Variants in ZNF568 observed in about 807,000 individuals in gnomAD.
The protein encoded by ZNF568 is p53 inhibitor of SCO2 activation.
A neutral mutation model predicts 18.1 loss-of-function variants in ZNF568; 11 were observed. That is an observed-to-expected ratio of 0.61 (90% confidence interval 0.38 to 1.00). ZNF568 has a LOEUF of 1.00. Among genes scored for constraint, ZNF568 ranks in the 50% least tolerant of loss-of-function variants. The pLI is 0.01. For synonymous variants in ZNF568, 213 were observed against 246.6 expected, an observed-to-expected ratio of 0.86 and a Z score of 1.28; for missense variants, 639 against 768.2, an observed-to-expected ratio of 0.83 and a Z score of 1.99.
At chr19:36,944,677 C>G (rs2073934004) in intron 6 of ZNF568, among the ~76,000 whole-genome samples, 1 of 152,102 alleles carries the variant, frequency 6.6e-6, no homozygotes, top group Admixed American at 6.6e-5. Context: ...CCCTCTTTCT[C>G]CCCATCATCT....
At chr19:36,975,413 G>A (rs973009427) in intron 7 of ZNF568, among the ~76,000 whole-genome samples, 8 of 150,938 alleles carry the variant, frequency 5.3e-5, no homozygotes, top group Non-Finnish European at 8.9e-5. Context: ...TCCCAATGGA[G>A]CCTTGCTCTG....
At chr19:36,948,080 C>A (rs1415756659) in intron 6 of ZNF568, among the ~76,000 whole-genome samples, 1 of 152,130 alleles carries the variant, frequency 6.6e-6, no homozygotes, top group Non-Finnish European at 1.5e-5. Flanking sequence ...GACTCAGATC[C>A]ATTATAGTAT....
chr19:36,984,396 A>G (rs977754551), downstream of ZNF568, among the ~76,000 whole-genome samples: 1 of 152,180 alleles, frequency 6.6e-6, no homozygotes, highest in African/African-American at 2.4e-5. Flanking sequence ...ATTTCAATAT[A>G]CTTTCTTAAC....
chr19:36,942,248 G>A (rs997968386), intron 6 of ZNF568, among the ~76,000 whole-genome samples: 5 of 151,676 alleles, frequency 3.3e-5, no homozygotes, highest in Admixed American at 1.3e-4. Flanking sequence ...GATTACAGGC[G>A]TGCACCACCG....
chr19:36,950,240 G>A lies in ZNF568; in HGVS notation c.1087G>A (p.Ala363Thr), dbSNP rs766675905. Reference protein sequence around the residue: ...EKIHTGEKPYACNECGRAFSR... With the variant: ...EKIHTGEKPYTCNECGRAFSR... ...AATTCATACTGGGGAGAAACCTTAT[G>A]CATGTAATGAATGTGGTAGAGCTTT... Residue 363 changes from alanine to threonine, a missense_variant, in exon 7 of 7, where the codon GCA becomes ACA. Physicochemically the swap from Ala to Thr is moderately conservative, Grantham distance 58 (BLOSUM62 0). Transcript: ENST00000333987. The A allele has an allele frequency of 6.2e-7, 1 of 1,613,882 alleles. No individual in the cohort carries two copies. The highest frequency in any genetic ancestry group is 8.5e-7 in the Non-Finnish European group (1 of 1,179,890).
At chr19:36,927,895 ATATATATATTTTTTTTTTTTTTTTT>A (rs1568381568) in intron 4 of ZNF568, among the ~76,000 whole-genome samples, 4 of 25,762 alleles carry the variant, frequency 1.6e-4, no homozygotes, top group African/African-American at 7.1e-4. Flanking sequence ...TATTATATAT[ATATATATATTTTTTTTTTTTTTTTT>A]TTTTTTTTTT....
At chr19:36,963,866 C>G (rs1023241534) in intron 6 of ZNF568, among the ~76,000 whole-genome samples, 1 of 151,910 alleles carries the variant, frequency 6.6e-6, no homozygotes, top group African/African-American at 2.4e-5. Flanking sequence ...ACTCAGAAGG[C>G]TGAGGCAGAA....
At chr19:36,959,103 T>A (rs1291839955) in intron 6 of ZNF568, among the ~76,000 whole-genome samples, 1 of 152,194 alleles carries the variant, frequency 6.6e-6, no homozygotes, top group Non-Finnish European at 1.5e-5. Flanking sequence ...CAATTCTTAG[T>A]GGAAATGCTT....
chr19:36,997,059 T>C, exon 5 of ZNF568: 1 of 1,567,334 alleles, frequency 6.4e-7, no homozygotes, highest in Non-Finnish European at 8.6e-7. Flanking sequence ...GTAAGGAATG[T>C]GGAAAGGCTT....
chr19:36,958,635 T>TTC, intron 6 of ZNF568, among the ~76,000 whole-genome samples: 1 of 145,336 alleles, frequency 6.9e-6, no homozygotes, highest in African/African-American at 2.5e-5. Context: ...TTTTTTTTTT[T>TTC]TTTGAGACAG....
At chr19:36,945,788 T>C (rs114003250) in intron 6 of ZNF568, among the ~76,000 whole-genome samples, 390 of 151,672 alleles carry the variant, frequency 2.6e-3, no homozygotes, top group African/African-American at 8.7e-3. Context: ...TTTTTTTAAA[T>C]AGTGGAAGAA....
chr19:36,983,579 T>C (rs1458430649), downstream of ZNF568, among the ~76,000 whole-genome samples: 3 of 152,194 alleles, frequency 2.0e-5, no homozygotes, highest in Non-Finnish European at 4.4e-5. Context: ...CATTGTTCTA[T>C]ATGCAGCCAT....
chr19:36,964,328 C>G (rs1431110767), intron 6 of ZNF568, among the ~76,000 whole-genome samples: 1 of 151,926 alleles, frequency 6.6e-6, no homozygotes, highest in Admixed American at 6.6e-5. Flanking sequence ...GCTTCTGAAC[C>G]TTTGTGAAAT....
chr19:36,938,256 T>C (rs919220754), intron 6 of ZNF568, among the ~76,000 whole-genome samples: 3 of 152,200 alleles, frequency 2.0e-5, no homozygotes, highest in Non-Finnish European at 4.4e-5. Flanking sequence ...TACATTTCAC[T>C]ATAATAATGG....
At chr19:36,947,079 G>T (rs948868486) in intron 6 of ZNF568, among the ~76,000 whole-genome samples, 1 of 149,652 alleles carries the variant, frequency 6.7e-6, no homozygotes, top group Non-Finnish European at 1.5e-5. Flanking sequence ...GCAGCGGCAC[G>T]ATCTCGGCTC....
At chr19:36,991,775 T>C (rs766373087) in exon 4 of ZNF568, 3 of 1,579,338 alleles carry the variant, frequency 1.9e-6, no homozygotes, top group South Asian at 2.3e-5. Context: ...AAGCCAAATG[T>C]GATCTCCTTA....
chr19:36,936,685 T>C (rs2073795440), intron 4 of ZNF568, 61 bp from the exon 5 acceptor site: 1 of 1,550,634 alleles, frequency 6.4e-7, no homozygotes, highest in Admixed American at 1.7e-5. Context: ...AGTTCTTGTA[T>C]GTTGTGATCA....
At position 36,950,888 on chromosome 19, in the gene ZNF568, A is replaced by G. The variant is rs756753403; in HGVS notation, c.1735A>G (p.Ser579Gly). The change falls in exon 7 of 7, where the codon AGT (serine) becomes GGT (glycine). Residue 579 changes from serine to glycine, a missense_variant. Transcript: ENST00000333987. ...RISSLTLHVR[S>G]HTGEKPYECN... ...CTCATCCCTCACTCTTCATGTGAGA[A>G]GTCACACAGGGGAGAAACCCTATGA... 1.9e-6 allele frequency: 3 copies of G among 1,613,658 alleles called. No individual in the cohort carries two copies. The highest frequency in any genetic ancestry group is 2.5e-6 in the Non-Finnish European group (3 of 1,179,820).
chr19:36,991,708 C>A, intron 3 of ZNF568: 1 of 1,476,322 alleles, frequency 6.8e-7, no homozygotes, highest in Non-Finnish European at 9.1e-7. Flanking sequence ...ATTTTTAATT[C>A]TGACACCCAC....
Sources: allele counts gnomAD v4.1 joint callset (sites outside exome capture counted in the v4.1 genomes callset), GRCh38; gene constraint gnomAD v4.1.1; transcripts MANE v1.5; gene names NCBI Gene and HGNC (gene_info 2026-07-23, HGNC 2026-07-21).